Variants in SEMA3A observed in about 807,000 individuals in gnomAD.
SEMA3A encodes the protein semaphorin-3A.
In SEMA3A, 29 loss-of-function variants were observed where a neutral mutation model predicts 97.9. That is an observed-to-expected ratio of 0.30 (90% CI 0.22 to 0.40). The LOEUF (loss-of-function observed/expected upper bound fraction) is 0.40. SEMA3A is among the 10% of genes least tolerant of loss of function. SEMA3A has a pLI of 1.00. For missense variants in SEMA3A, 763 were observed against 951.3 expected (o/e 0.80, Z 2.60); for synonymous variants, 321 against 323.7 (o/e 0.99, Z 0.09).
chr7:84,456,278 T>C (rs1805682447), intron 1 of SEMA3A, among the ~76,000 whole-genome samples: 1 of 151,866 alleles, frequency 6.6e-6, no homozygotes, highest in Admixed American at 6.6e-5. Context: ...TCAAGTCGAT[T>C]TGGGGAGTAG....
intron 1 of SEMA3A, among the ~76,000 whole-genome samples, chr7:84,172,090 A>AT (rs769524925): frequency 5.3e-5 from 8 of 152,152 alleles, no homozygotes; most frequent in Non-Finnish European, 1.0e-4. Context: ...TGATATATTC[A>AT]TTTTACACAT....
At chr7:84,048,592 A>G (rs1792456724) in intron 5 of SEMA3A, among the ~76,000 whole-genome samples, 1 of 151,948 alleles carries the variant, frequency 6.6e-6, no homozygotes, top group Non-Finnish European at 1.5e-5. Context: ...CTGTGAGAAG[A>G]TACCTTGTGT....
At chr7:84,071,355 A>C (rs1367924806) in intron 4 of SEMA3A, among the ~76,000 whole-genome samples, 1 of 152,160 alleles carries the variant, frequency 6.6e-6, no homozygotes, top group Non-Finnish European at 1.5e-5. Flanking sequence ...AAATTTTGAC[A>C]TGAGATCACA....
intron 3 of SEMA3A, among the ~76,000 whole-genome samples, chr7:84,120,522 C>T (rs1795577339): frequency 6.6e-6 from 1 of 152,118 alleles, no homozygotes; most frequent in African/African-American, 2.4e-5. Context: ...GTTCAGTGTA[C>T]CAGATATTTA....
intron 2 of SEMA3A, among the ~76,000 whole-genome samples, chr7:84,358,569 A>G (rs546273531): frequency 9.4e-4 from 143 of 152,126 alleles, no homozygotes; most frequent in South Asian, 1.7e-3. Context: ...GTCAGGTAGC[A>G]TGATGCCTCC....
At chr7:84,059,185 A>G (rs1177549644) in intron 5 of SEMA3A, among the ~76,000 whole-genome samples, 1 of 152,178 alleles carries the variant, frequency 6.6e-6, no homozygotes, top group Non-Finnish European at 1.5e-5. Flanking sequence ...TCCACAAATA[A>G]TCACTAGACC....
At chr7:84,212,918 T>C (rs1798664942) in intron 3 of SEMA3A, among the ~76,000 whole-genome samples, 1 of 152,140 alleles carries the variant, frequency 6.6e-6, no homozygotes, top group African/African-American at 2.4e-5. Flanking sequence ...ATATTAGTAA[T>C]ATATTATTTG....
intron 4 of SEMA3A, among the ~76,000 whole-genome samples, chr7:84,080,215 G>C (rs1375548582): frequency 1.1e-5 from 1 of 89,500 alleles, no homozygotes; most frequent in African/African-American, 5.3e-5. Flanking sequence ...GGTGGGGGGA[G>C]GGGGTAGGGA....
intron 1 of SEMA3A, among the ~76,000 whole-genome samples, chr7:84,150,579 C>G (rs532976005): frequency 2.5e-4 from 38 of 152,270 alleles, no homozygotes; most frequent in Middle Eastern, 3.4e-3. Context: ...GCACCTGGCT[C>G]AGAGGGTCCT....
intron 1 of SEMA3A, among the ~76,000 whole-genome samples, chr7:84,165,616 G>A (rs543570152): frequency 4.6e-5 from 7 of 152,014 alleles, no homozygotes; most frequent in Non-Finnish European, 8.8e-5. Context: ...GCAGTGTCGC[G>A]ATCTCAGCTC....
chr7:84,466,927 C>A (rs908163232), intron 1 of SEMA3A, among the ~76,000 whole-genome samples: 1 of 152,098 alleles, frequency 6.6e-6, no homozygotes, highest in African/African-American at 2.4e-5. Flanking sequence ...TCTTCATAAA[C>A]TTTCCTCCTC....
intron 3 of SEMA3A, among the ~76,000 whole-genome samples, chr7:84,119,449 G>A (rs186304932): frequency 6.8e-4 from 104 of 152,274 alleles, no homozygotes; most frequent in Non-Finnish European, 1.2e-3. Flanking sequence ...GTAAGTAGAC[G>A]TATATTAAAA....
At chr7:84,050,991 C>G (rs1298307052) in intron 5 of SEMA3A, among the ~76,000 whole-genome samples, 1 of 151,496 alleles carries the variant, frequency 6.6e-6, no homozygotes, top group Non-Finnish European at 1.5e-5. Context: ...GCTTGTTTTT[C>G]TCAGGTTTGT....
intron 3 of SEMA3A, among the ~76,000 whole-genome samples, chr7:84,202,952 T>C (rs1263732964): frequency 2.6e-5 from 4 of 152,216 alleles, no homozygotes; most frequent in Non-Finnish European, 5.9e-5. Context: ...ATTTCATTAA[T>C]TCCTGTGTTG....
intron 1 of SEMA3A, among the ~76,000 whole-genome samples, chr7:84,407,380 A>G (rs556001486): frequency 3.2e-4 from 49 of 152,294 alleles, no homozygotes; most frequent in African/African-American, 9.9e-4. Context: ...ACCACTGCTC[A>G]ATGAAATAAA....
intron 3 of SEMA3A, among the ~76,000 whole-genome samples, chr7:84,258,920 T>C (rs1186908687): frequency 6.6e-6 from 1 of 151,792 alleles, no homozygotes; most frequent in Admixed American, 6.6e-5. Flanking sequence ...TTTTTTTTTT[T>C]CCTTTTCTGA....
intron 1 of SEMA3A, among the ~76,000 whole-genome samples, chr7:84,373,122 G>C (rs1803012131): frequency 2.6e-5 from 4 of 152,168 alleles, no homozygotes; most frequent in African/African-American, 7.2e-5. Flanking sequence ...AGAAGCCCTT[G>C]CTAAGTTGCC....
intron 1 of SEMA3A, among the ~76,000 whole-genome samples, chr7:84,189,757 T>C (rs1417818492): frequency 1.3e-5 from 2 of 151,670 alleles, no homozygotes; most frequent in African/African-American, 4.8e-5. Flanking sequence ...TAATTAACTC[T>C]AATTAAACGT....
chr7:84,078,755 C>T (rs1446988774), intron 4 of SEMA3A, among the ~76,000 whole-genome samples: 1 of 151,690 alleles, frequency 6.6e-6, no homozygotes, highest in Non-Finnish European at 1.5e-5. Context: ...TATATATACA[C>T]ATATATATAC....
Sources: gnomAD v4.1 joint callset for allele counts (sites outside exome capture counted in the v4.1 genomes callset) on GRCh38, gnomAD v4.1.1 for gene constraint, MANE v1.5 for transcripts, NCBI Gene and HGNC (gene_info 2026-07-23, HGNC 2026-07-21) for gene names.